ZFAT: variants seen among roughly 807,000 people sequenced by gnomAD.
ZFAT encodes the protein zinc finger and AT-hook domain containing, also known as zinc finger protein ZFAT.
A neutral mutation model predicts 117.7 loss-of-function variants in ZFAT; 64 were observed. The ratio of observed to expected loss-of-function variants is 0.54; its 90% confidence interval spans 0.44 to 0.67. ZFAT has a LOEUF of 0.67. ZFAT is among the 30% of genes least tolerant of loss of function. ZFAT has a pLI of 0.00. For synonymous variants in ZFAT, 679 were observed against 615.0 expected (o/e 1.10, Z -1.54); for missense variants, 1,433 against 1,584.5 (o/e 0.90, Z 1.62).
At chr8:134,562,252 A>G (rs1174679767) in intron 11 of ZFAT, among the ~76,000 whole-genome samples, 3 of 152,346 alleles carry the variant, frequency 2.0e-5, no homozygotes, top group South Asian at 4.1e-4. Flanking sequence ...AACCTCTAGA[A>G]AAAATGCAGC....
intron 11 of ZFAT, among the ~76,000 whole-genome samples, chr8:134,552,620 C>T (rs998554411): frequency 2.6e-5 from 4 of 152,144 alleles, no homozygotes; most frequent in African/African-American, 9.7e-5. Flanking sequence ...GGATGGTTTC[C>T]CTTGTGAAAG....
intron 5 of ZFAT, among the ~76,000 whole-genome samples, chr8:134,605,649 G>C (rs776656437): frequency 3.3e-5 from 5 of 151,990 alleles, no homozygotes; most frequent in South Asian, 2.1e-4. Context: ...CCAAAAGAAA[G>C]AATACAAAAT....
At chr8:134,786,840 CTT>C in the ZFAT span, among the ~76,000 whole-genome samples, 196 of 137,006 alleles carry the variant, frequency 1.4e-3, no homozygotes, top group Middle Eastern at 3.8e-3. Flanking sequence ...TGATATCAAG[CTT>C]TTTTTTTTTT....
the ZFAT span, among the ~76,000 whole-genome samples, chr8:134,828,910 C>T: frequency 2.0e-5 from 3 of 152,148 alleles, no homozygotes; most frequent in African/African-American, 7.2e-5. Context: ...TAATTTGCAC[C>T]TACAGAAAAT....
At chr8:134,664,797 T>C (rs1328704467) in intron 1 of ZFAT, among the ~76,000 whole-genome samples, 1 of 152,262 alleles carries the variant, frequency 6.6e-6, no homozygotes, top group Non-Finnish European at 1.5e-5. Flanking sequence ...TGTCAGCTAA[T>C]CCTGATGAAG....
intron 15 of ZFAT, among the ~76,000 whole-genome samples, chr8:134,504,022 A>G (rs2130304384): frequency 6.6e-6 from 1 of 152,342 alleles, no homozygotes; most frequent in Non-Finnish European, 1.5e-5. Flanking sequence ...ATCAGGTCTC[A>G]GTAAAGCAGG....
intron 15 of ZFAT, among the ~76,000 whole-genome samples, chr8:134,492,031 GT>G (rs138666169): frequency 6.9e-6 from 1 of 145,140 alleles, no homozygotes; most frequent in African/African-American, 2.5e-5. Context: ...TTTGTTTTTT[GT>G]TTTTTTTTTC....
chr8:134,584,665 T>G (rs1312144919), intron 9 of ZFAT, among the ~76,000 whole-genome samples: 1 of 152,126 alleles, frequency 6.6e-6, no homozygotes, highest in East Asian at 1.9e-4. Context: ...AGGACCTATT[T>G]TCATAGTAGG....
intron 1 of ZFAT, 78 bp from the exon 2 acceptor site, chr8:134,657,815 C>A: frequency 6.8e-7 from 1 of 1,467,308 alleles, no homozygotes. Flanking sequence ...AAAGACAATA[C>A]CGAAAGCTGC....
chr8:134,702,269 CAAAT>C (rs1834029465), intron 1 of ZFAT, among the ~76,000 whole-genome samples: 1 of 152,178 alleles, frequency 6.6e-6, no homozygotes, highest in East Asian at 1.9e-4. Flanking sequence ...AGGGCTATTA[CAAAT>C]AAAGCTGCTA....
intron 5 of ZFAT, among the ~76,000 whole-genome samples, chr8:134,603,710 G>A (rs1827684708): frequency 6.6e-6 from 1 of 152,328 alleles, no homozygotes; most frequent in African/African-American, 2.4e-5. Context: ...GCCTGCCTGG[G>A]GTGAGCATGG....
Position 134,482,124 on chromosome 8 carries a change from T to C in ZFAT, c.3493-3403A>G, listed in dbSNP as rs571846116. On this transcript the variant is annotated intron_variant, in intron 15 of 15. Transcript: ENST00000377838. ...CTCACTGCTCTTCTCCTTCTGCCCATCACTAAGCCTGGAGGATTCCTGGGT... is the reference window on the plus strand; with the variant it reads ...CTCACTGCTCTTCTCCTTCTGCCCACCACTAAGCCTGGAGGATTCCTGGGT... Among the ~76,000 whole-genome samples the C allele has an allele frequency of 7.9e-5, 12 of 152,296 alleles. No individual in the cohort carries two copies. In the South Asian group the frequency reaches 2.5e-3, roughly 32 times the overall value.
At chr8:134,624,526 G>A (rs533569435) in intron 3 of ZFAT, among the ~76,000 whole-genome samples, 26 of 152,190 alleles carry the variant, frequency 1.7e-4, no homozygotes, top group Non-Finnish European at 2.4e-4. Flanking sequence ...GCATGGGGGC[G>A]CACACCTATA....
chr8:134,532,916 C>T lies in ZFAT; in HGVS notation c.3033G>A (p.Arg1011=), dbSNP rs754152351. 1.7e-5 allele frequency: 27 copies of T among 1,609,014 alleles called. No individual in the cohort carries two copies. The highest frequency in any genetic ancestry group is 4.5e-5 in the East Asian group (2 of 44,748). Residue 1011 remains arginine, a synonymous_variant, in exon 12 of 16, where the codon CGG becomes CGA. Transcript: ENST00000377838. ...CATTAGGGTGCTTCCTGTTGTAGTG[C>T]CGCTTCAGAGAGCCAGATATGTTGC... is the stretch of plus-strand genomic sequence containing the variant. ...YSCNISGSLK[R]HYNRKHPNEE...
rs769705960 is a variant in ZFAT, at chr8:134,478,616, C to T, written c.3598G>A (p.Asp1200Asn). 10 of 1,586,730 alleles carry T rather than the reference C, an allele frequency of 6.3e-6. No individual in the cohort carries two copies. Among genetic ancestry groups the T allele is most frequent in the African/African-American group, 2.7e-5 (2 of 74,196 alleles). Reference protein sequence around the residue: ...AEQHHLVVSSDDVEGIETVTV... With the variant: ...AEQHHLVVSSNDVEGIETVTV... ...ACCGTCTCAATGCCCTCCACGTCGT[C>T]GGAGGACACCACCAGGTGGTGCTGC... The change falls in exon 16 of 16, where the codon GAC becomes AAC. Residue 1200 changes from aspartate to asparagine, a missense_variant. Asp to Asn is a conservative substitution (Grantham distance 23). This residue lies in a region of ZFAT where 503 missense variants were observed against 543.4 expected (regional missense o/e 0.93). Coordinates refer to ENST00000377838, the MANE Select transcript of ZFAT (RefSeq NM_020863.4). The surrounding 1 kb of genome is among the most constrained non-coding windows in gnomAD (Gnocchi z 5.2).
At chr8:134,509,883 T>G in intron 14 of ZFAT, 134 bp from the exon 15 acceptor site, 1 of 1,161,010 alleles carries the variant, frequency 8.6e-7, no homozygotes, top group Non-Finnish European at 1.2e-6. Context: ...AATCGCTCAG[T>G]TTGACAACAG....
chr8:134,602,246 G>A lies in ZFAT; in HGVS notation c.1473C>T (p.Thr491=). The A allele has an allele frequency of 6.2e-7, 1 of 1,613,746 alleles. No homozygotes were observed. Among genetic ancestry groups the A allele is most frequent in the Admixed American group, 1.7e-5 (1 of 60,032 alleles). Residue 491 remains threonine (T), a synonymous_variant, in exon 6 of 16, where the codon ACC becomes ACT. Transcript: ENST00000377838. ...HGAAQEALVF[T]SSINQSFCLL... Reference sequence around the variant, plus strand: ...GGCAGAAGCTCTGGTTGATGGAACTGGTGAAGACCAAGGCCTCCTGGGCAG... The same window carrying A: ...GGCAGAAGCTCTGGTTGATGGAACTAGTGAAGACCAAGGCCTCCTGGGCAG...
chr8:134,511,944 C>T (rs1819879534), intron 14 of ZFAT, among the ~76,000 whole-genome samples: 2 of 152,184 alleles, frequency 1.3e-5, no homozygotes, highest in African/African-American at 2.4e-5. Context: ...CTCTACCACC[C>T]ACTGAGCCCA....
the ZFAT span, among the ~76,000 whole-genome samples, chr8:134,822,221 G>C: frequency 4.6e-5 from 7 of 152,178 alleles, no homozygotes; most frequent in South Asian, 1.2e-3. Context: ...TTAGTATACT[G>C]ACCAATCGTA....
Sources: gnomAD v4.1 joint callset for allele counts (sites outside exome capture counted in the v4.1 genomes callset) on GRCh38, gnomAD v4.1.1 for gene constraint, gnomAD v4.1.1 regional missense constraint, Gnocchi (gnomAD v3.1) non-coding constraint, MANE v1.5 for transcripts, NCBI Gene and HGNC (gene_info 2026-07-23, HGNC 2026-07-21) for gene names.